The following FLOT2 variants were observed in gnomAD, a reference collection of about 807,000 sequenced individuals.
FLOT2 encodes the protein flotillin 2, also known as flotillin-2.
In FLOT2, 35 loss-of-function variants were observed where a neutral mutation model predicts 54.9. That is an observed-to-expected ratio of 0.64 (90% CI 0.49 to 0.84). FLOT2 has a LOEUF of 0.84. Among genes scored for constraint, FLOT2 ranks in the 40% least tolerant of loss-of-function variants. The pLI, the probability that FLOT2 is intolerant of heterozygous loss-of-function variation, is 0.00. For missense variants in FLOT2, 464 were observed against 572.1 expected (o/e 0.81, Z 1.93); for synonymous variants, 207 against 228.9 (o/e 0.90, Z 0.86).
Position 28,880,454 on chromosome 17 carries a change from C to A in FLOT2, c.*107G>T. On this transcript the variant is annotated 3_prime_UTR_variant, in exon 11 of 11. Transcript: ENST00000394908. ...GAACACGCAGCACTTCTGGTCCCTT[C>A]GAGATAAGGCACCAGAGTCAGTAAC... 1 of 1,537,576 alleles carries A rather than the reference C, an allele frequency of 6.5e-7. No individual in the cohort carries two copies. The highest frequency in any genetic ancestry group is 8.8e-7 in the Non-Finnish European group (1 of 1,142,338).
intron 1 of FLOT2, among the ~76,000 whole-genome samples, chr17:28,889,922 G>A (rs1650973117): frequency 2.0e-5 from 3 of 152,180 alleles, no homozygotes; most frequent in African/African-American, 7.2e-5. Flanking sequence ...ACAGGCATGA[G>A]CCACCACGCC....
chr17:28,897,492 T>A lies in FLOT2; in HGVS notation c.49+34A>T. 6.3e-7 allele frequency: 1 copy of A among 1,581,310 alleles called. No homozygotes were observed. Among genetic ancestry groups the A allele is most frequent in the Non-Finnish European group, 8.6e-7 (1 of 1,159,954 alleles). On this transcript the variant is annotated intron_variant, in intron 1 of 10. Transcript: ENST00000394908. This position sits in a 1 kb window ranked among gnomAD's most constrained non-coding sequence, Gnocchi z 4.4. ...AGCCCTGCACCCACCCCGAGCACCC[T>A]CCACAGCTCCCACCTTCCTCGCCGC...
chr17:28,882,785 G>A lies in FLOT2; in HGVS notation c.347-94C>T. ...ATGTAGAGGTAGGGGTGCATGCGGGGTGCTGCACTCTGAGCTGGGTCTTCC... is the reference window on the plus strand; with the variant it reads ...ATGTAGAGGTAGGGGTGCATGCGGGATGCTGCACTCTGAGCTGGGTCTTCC... On this transcript the variant is annotated intron_variant, in intron 4 of 10. Transcript: ENST00000394908. This position sits in a 1 kb window ranked among gnomAD's most constrained non-coding sequence, Gnocchi z 5.6. The A allele has an allele frequency of 3.6e-6, 3 of 826,142 alleles. No individual in the cohort carries two copies. The highest frequency in any genetic ancestry group is 2.1e-5 in the Admixed American group (1 of 48,582). 51.2% of individuals were successfully genotyped at this position (826,142 alleles called of 1,614,324 possible).
chr17:28,881,571 G>A (rs3816848), intron 8 of FLOT2, among the ~76,000 whole-genome samples, 196 bp from the exon 9 acceptor site: 87,321 of 152,178 alleles, frequency 0.57, 28,014 homozygotes, highest in South Asian at 0.73. Flanking sequence ...AGTGGGAGGG[G>A]ACAAACCAGG....
rs183123796 is a variant in FLOT2 at position 28,885,337 on chromosome 17, G to A, written c.132-1022C>T. ...GAAGGGCAACTGAATGCAGAGGGAG[G>A]GGGTGAGAAAGATGTGGTTCAGGCC... On this transcript the variant is annotated intron_variant, in intron 2 of 10. Coordinates refer to ENST00000394908, the MANE Select transcript of FLOT2 (RefSeq NM_004475.3). 1.8e-4 allele frequency among the ~76,000 whole-genome samples: 28 copies of A among 152,284 alleles called. No homozygotes were observed. In the East Asian group the frequency reaches 5.2e-3, roughly 28 times the overall value.
chr17:28,892,331 G>A (rs1567936924), intron 1 of FLOT2: 2 of 151,946 alleles, frequency 1.3e-5, no homozygotes, highest in Non-Finnish European at 2.9e-5. Flanking sequence ...AGTGGGGTGG[G>A]GGATGGACAG....
Position 28,882,054 on chromosome 17 carries a change from T to C in FLOT2, c.700-26A>G, listed in dbSNP as rs771088641. 2.5e-6 allele frequency: 4 copies of C among 1,613,908 alleles called. No individual in the cohort carries two copies. ...CTGTGGCAAGAGGGTGTGTGGCACATTAGAGGCTGGTCACCAAGTCCTGAT... is the reference window on the plus strand; with the variant it reads ...CTGTGGCAAGAGGGTGTGTGGCACACTAGAGGCTGGTCACCAAGTCCTGAT... On this transcript the variant is annotated intron_variant, in intron 7 of 10. Transcript: ENST00000394908. This position sits in a 1 kb window ranked among gnomAD's most constrained non-coding sequence, Gnocchi z 5.6.
chr17:28,883,491 A>C lies in FLOT2; in HGVS notation c.223-260T>G, dbSNP rs1273798475. 6.6e-6 allele frequency among the ~76,000 whole-genome samples: 1 copy of C among 151,540 alleles called. No individual in the cohort carries two copies. Among genetic ancestry groups the C allele is most frequent in the East Asian group, 1.9e-4 (1 of 5,150 alleles). Reference sequence around the variant, plus strand: ...CTGGGCATTCGGGGCTTGTCTCCCCACCCCTCCAGCCTACTGTCCCCTCAC... The same window carrying C: ...CTGGGCATTCGGGGCTTGTCTCCCCCCCCCTCCAGCCTACTGTCCCCTCAC... On this transcript the variant is annotated intron_variant, in intron 3 of 10. Transcript: ENST00000394908. The surrounding 1 kb of genome is among the most constrained non-coding windows in gnomAD (Gnocchi z 5.0).
chr17:28,887,659 A>G (rs2039572858), intron 2 of FLOT2, among the ~76,000 whole-genome samples: 1 of 152,224 alleles, frequency 6.6e-6, no homozygotes, highest in African/African-American at 2.4e-5. Flanking sequence ...AGGTGTCTGG[A>G]CAAGATACTC....
In FLOT2 at chr17:28,885,897, G is replaced by A. The variant is rs764927417; in HGVS notation, c.132-1582C>T. 15 of 1,550,244 alleles carry A rather than the reference G, an allele frequency of 9.7e-6. No individual in the cohort carries two copies. The South Asian group carries it at 1.2e-4, about 12-fold the overall frequency. On this transcript the variant is annotated intron_variant, in intron 2 of 10. Transcript: ENST00000394908. ...TACGAATAGTGGAACCCCCTCCGAC[G>A]TCTCAATATTCTCACAGCGACACAG... is the stretch of plus-strand genomic sequence containing the variant.
intron 1 of FLOT2, among the ~76,000 whole-genome samples, chr17:28,889,677 T>C (rs2039610629): frequency 6.6e-6 from 1 of 151,770 alleles, no homozygotes; most frequent in Non-Finnish European, 1.5e-5. Context: ...TTTTGCTCTG[T>C]TGCCCAGGCT....
At chr17:28,880,688 C>A in intron 10 of FLOT2, 25 bp downstream of exon 10, 1 of 1,614,062 alleles carries the variant, frequency 6.2e-7, no homozygotes, top group Non-Finnish European at 8.5e-7. Context: ...CTGGGCAACC[C>A]CACCGCAGCT....
Position 28,879,669 on chromosome 17 carries a change from G to C in FLOT2, c.*892C>G, listed in dbSNP as rs2039415463. 1 of 985,942 alleles carries C rather than the reference G, an allele frequency of 1.0e-6. No individual in the cohort carries two copies. Among genetic ancestry groups the C allele is most frequent in the African/African-American group, 1.7e-5 (1 of 57,236 alleles). 61.1% of individuals were successfully genotyped at this position (985,942 alleles called of 1,614,324 possible). A position where few individuals can be genotyped will look rare whatever the true frequency, so the allele number is the denominator to read the frequency against. ...CAGCACTCGATTCTGTACAGGGTTG[G>C]CACAGCCTTGTCCACCAGAAGGGCC... On this transcript the variant is annotated 3_prime_UTR_variant, in exon 11 of 11. Coordinates refer to ENST00000394908, the MANE Select transcript of FLOT2 (RefSeq NM_004475.3).
Position 28,884,148 on chromosome 17 carries a change from C to T in FLOT2, c.222+77G>A. 9.1e-7 allele frequency: 1 copy of T among 1,098,480 alleles called. No homozygotes were observed. The highest frequency in any genetic ancestry group is 1.4e-6 in the Non-Finnish European group (1 of 714,902). The allele number at this position is 1,098,480 out of a possible 1,614,324, so 68.0% of individuals were successfully genotyped here. A position where few individuals can be genotyped will look rare whatever the true frequency, so the allele number is the denominator to read the frequency against. ...AGAGAGACTGCCCCTGGCTGCTGTC[C>T]TCTCCTCCTCCCCCCGAACCCGAGT... On this transcript the variant is annotated intron_variant, in intron 3 of 10. Coordinates refer to ENST00000394908, the MANE Select transcript of FLOT2 (RefSeq NM_004475.3). This position sits in a 1 kb window ranked among gnomAD's most constrained non-coding sequence, Gnocchi z 5.1.
In FLOT2 at chr17:28,881,270, C is replaced by T. The variant is rs775653553; in HGVS notation, c.1020G>A (p.Arg340=). The T allele has an allele frequency of 6.2e-7, 1 of 1,614,194 alleles. No homozygotes were observed. The highest frequency in any genetic ancestry group is 2.2e-5 in the East Asian group (1 of 44,882). The change falls in exon 9 of 11, where the codon CGG becomes CGA. Residue 340 remains arginine (R), a synonymous_variant. Transcript: ENST00000394908. ...GGTAGGCTTCTGCCTTGAGCTTCAT[C>T]CGCTCAGCCTCTGCCTTGCCCATCG... ...IEAMGKAEAE[R]MKLKAEAYQK...
At chr17:28,894,158 G>C (rs1354143699) in intron 1 of FLOT2, among the ~76,000 whole-genome samples, 2 of 152,176 alleles carry the variant, frequency 1.3e-5, no homozygotes, top group African/African-American at 2.4e-5. Context: ...GTGTGAGCCA[G>C]TGTGTCCAGC....
intron 1 of FLOT2, among the ~76,000 whole-genome samples, chr17:28,895,677 G>C (rs1170679331): frequency 6.6e-6 from 1 of 152,010 alleles, no homozygotes; most frequent in Non-Finnish European, 1.5e-5. Context: ...TTTCAGTTAG[G>C]GTGAGTGAAA....
In FLOT2 at chr17:28,884,087, CCT is replaced by C; in HGVS notation, c.222+136_222+137del. The C allele has an allele frequency of 1.4e-6, 1 of 716,660 alleles. No homozygotes were observed. Among genetic ancestry groups the C allele is most frequent in the Non-Finnish European group, 2.5e-6 (1 of 404,104 alleles). The allele number at this position is 716,660 out of a possible 1,614,324, so 44.4% of individuals were successfully genotyped here. A position where few individuals can be genotyped will look rare whatever the true frequency, so the allele number is the denominator to read the frequency against. On this transcript the variant is annotated intron_variant, in intron 3 of 10. Transcript: ENST00000394908. The surrounding 1 kb of genome is among the most constrained non-coding windows in gnomAD (Gnocchi z 5.1). ...TTCCAGTGGCGACGACCTGACTAGC[CCT>C]CTCTTGTGGGACTTGCGGGGGCTGG...
At chr17:28,896,858 T>C (rs1423920764) in intron 1 of FLOT2, among the ~76,000 whole-genome samples, 1 of 152,000 alleles carries the variant, frequency 6.6e-6, no homozygotes, top group Non-Finnish European at 1.5e-5. Context: ...AAATATAAAA[T>C]CTCAATAGCA....
Sources: allele counts gnomAD v4.1 joint callset (sites outside exome capture counted in the v4.1 genomes callset), GRCh38; gene constraint gnomAD v4.1.1; non-coding constraint Gnocchi (gnomAD v3.1); transcripts MANE v1.5; gene names NCBI Gene and HGNC (gene_info 2026-07-23, HGNC 2026-07-21).